The following CLPX variants were observed in gnomAD, a reference collection of about 807,000 sequenced individuals.
CLPX encodes the protein ATP-dependent clpX-like chaperone, mitochondrial.
Under a neutral mutation model 76.4 loss-of-function variants are expected in CLPX, and 34 were observed. The ratio of observed to expected loss-of-function variants is 0.45; its 90% CI spans 0.34 to 0.59. CLPX has a LOEUF of 0.59. Ranked by LOEUF, CLPX falls within the 20% of genes least tolerant of loss-of-function variation. The pLI, the probability that CLPX is intolerant of heterozygous loss-of-function variation, is 0.01. For synonymous variants in CLPX, 248 were observed against 270.9 expected, an observed-to-expected ratio of 0.92 and a Z score of 0.83; for missense variants, 613 against 757.0, an observed-to-expected ratio of 0.81 and a Z score of 2.23.
intron 6 of CLPX, among the ~76,000 whole-genome samples, chr15:65,160,623 T>TCTCTCTCACACACACACA (rs1219208926): frequency 2.7e-4 from 27 of 100,970 alleles, no homozygotes; most frequent in Admixed American, 8.4e-4. Context: ...TCTCTCTCTC[T>TCTCTCTCACACACACACA]CACACACACA....
chr15:65,163,068 G>C (rs1343896223), intron 5 of CLPX, among the ~76,000 whole-genome samples: 1 of 152,132 alleles, frequency 6.6e-6, no homozygotes, highest in East Asian at 1.9e-4. Flanking sequence ...AGGCGCAAGA[G>C]TTCACGCCTA....
intron 3 of CLPX, among the ~76,000 whole-genome samples, chr15:65,172,982 C>A (rs925366528): frequency 6.6e-6 from 1 of 152,096 alleles, no homozygotes; most frequent in Non-Finnish European, 1.5e-5. Context: ...GCCACTGCAT[C>A]GTAGCCTGGG....
Position 65,152,516 on chromosome 15 carries a change from T to A in CLPX, c.1725A>T (p.Pro575=). The change falls in exon 13 of 14, where the codon CCA becomes CCT. Residue 575 remains proline (P), a synonymous_variant. Coordinates refer to ENST00000300107, the MANE Select transcript of CLPX (RefSeq NM_006660.5). ...RSIMEKLLLE[P]MFEVPNSDIV... is the part of the protein sequence containing the mutation. ...TATCAGAATTAGGGACTTCAAACATTGGTTCTAGTAACAGCTTTTCCTAAA... is the reference window on the plus strand; with the variant it reads ...TATCAGAATTAGGGACTTCAAACATAGGTTCTAGTAACAGCTTTTCCTAAA... The A allele has an allele frequency of 6.5e-7, 1 of 1,533,476 alleles. No homozygotes were observed. Among genetic ancestry groups the A allele is most frequent in the Non-Finnish European group, 8.8e-7 (1 of 1,140,104 alleles). 95.0% of individuals were successfully genotyped at this position (1,533,476 alleles called of 1,614,324 possible).
chr15:65,154,966 T>C lies in CLPX; in HGVS notation c.1427A>G (p.Asp476Gly). The change falls in exon 11 of 14, where the codon GAT becomes GGT. Residue 476 changes from aspartate (D) to glycine (G), a missense_variant. Physicochemically the swap from Asp to Gly is moderately conservative, Grantham distance 94 (BLOSUM62 -1). Coordinates refer to ENST00000300107, the MANE Select transcript of CLPX (RefSeq NM_006660.5). ...GGCTTCCACATGACGCAATAACCGA[T>C]CTTTTTCTTCAATGTCTTGGTGAGT... ...SNTHQDIEEKDRLLRHVEARD... is the reference protein window; with the variant it reads ...SNTHQDIEEKGRLLRHVEARD... The C allele has an allele frequency of 6.2e-7, 1 of 1,614,114 alleles. No homozygotes were observed. The highest frequency in any genetic ancestry group is 8.5e-7 in the Non-Finnish European group (1 of 1,180,020).
At chr15:65,183,559 GGAAA>G (rs1365468540) in intron 1 of CLPX, among the ~76,000 whole-genome samples, 1 of 149,138 alleles carries the variant, frequency 6.7e-6, no homozygotes, top group African/African-American at 2.5e-5. Context: ...CAGGAAGGAA[GGAAA>G]GGAAGGAAGG....
chr15:65,169,732 A>G (rs1404370133), intron 3 of CLPX, among the ~76,000 whole-genome samples: 1 of 151,948 alleles, frequency 6.6e-6, no homozygotes, highest in Non-Finnish European at 1.5e-5. Flanking sequence ...ACATGGTTAT[A>G]GGATGTAGAT....
intron 4 of CLPX, 127 bp downstream of exon 4, chr15:65,166,504 G>A (rs2087914808): frequency 1.0e-6 from 1 of 983,454 alleles, no homozygotes; most frequent in South Asian, 1.5e-5. Flanking sequence ...GCCACATATG[G>A]TCCATATTAT....
chr15:65,161,041 G>A (rs1330036635), intron 6 of CLPX, among the ~76,000 whole-genome samples: 1 of 152,180 alleles, frequency 6.6e-6, no homozygotes, highest in Non-Finnish European at 1.5e-5. Context: ...AATAGTTTCT[G>A]TCTCATGGGT....
At chr15:65,166,841 T>C in intron 3 of CLPX, 56 bp from the exon 4 acceptor site, 1 of 1,544,654 alleles carries the variant, frequency 6.5e-7, no homozygotes. Flanking sequence ...CCAATAGTGT[T>C]TAACCTTAAA....
intron 12 of CLPX, among the ~76,000 whole-genome samples, chr15:65,153,037 C>T (rs781017980): frequency 3.9e-5 from 6 of 151,978 alleles, no homozygotes; most frequent in Non-Finnish European, 8.8e-5. Context: ...GTGTGAGTTA[C>T]CAGGCCCGAT....
chr15:65,178,875 C>A, intron 3 of CLPX, 59 bp downstream of exon 3: 1 of 931,536 alleles, frequency 1.1e-6, no homozygotes, highest in Admixed American at 2.2e-5. Context: ...TATTTTTATA[C>A]ACTTAGTAAT....
rs36113271 is a variant in CLPX at position 65,149,860 on chromosome 15, T to TA, written c.*962dup. ...GGGACAGCGTGAGACTCCGCTCAAT[T>TA]AAAAAAAAAAAAAAAAAAAAGATGG... On this transcript the variant is annotated 3_prime_UTR_variant, in exon 14 of 14. Coordinates refer to ENST00000300107, the MANE Select transcript of CLPX (RefSeq NM_006660.5). 0.71 allele frequency: 84,070 copies of TA among 118,684 alleles called. 30,704 individuals are homozygous for TA. The highest frequency in any genetic ancestry group is 0.96 in the East Asian group (3,996 of 4,148). The allele number at this position is 118,684 out of a possible 1,614,324, so 7.4% of individuals were successfully genotyped here. A position where few individuals can be genotyped will look rare whatever the true frequency, so the allele number is the denominator to read the frequency against.
chr15:65,154,404 A>G (rs1051813062), intron 11 of CLPX, among the ~76,000 whole-genome samples: 2 of 152,238 alleles, frequency 1.3e-5, no homozygotes, highest in African/African-American at 2.4e-5. Flanking sequence ...ACAGAGAAGT[A>G]TATGTGGGAT....
intron 3 of CLPX, among the ~76,000 whole-genome samples, chr15:65,171,383 G>T (rs1482710220): frequency 6.6e-6 from 1 of 151,644 alleles, no homozygotes. Flanking sequence ...GAAAGCAGAG[G>T]TTGTAGTGAG....
chr15:65,152,476 C>T lies in CLPX; in HGVS notation c.1765G>A (p.Val589Ile), dbSNP rs2087734313. The T allele has an allele frequency of 1.3e-6, 2 of 1,562,652 alleles. No individual in the cohort carries two copies. The highest frequency in any genetic ancestry group is 8.7e-7 in the Non-Finnish European group (1 of 1,155,518). The change falls in exon 13 of 14, where the codon GTT becomes ATT. Residue 589 changes from valine (V) to isoleucine (I), a missense_variant. By Grantham distance (29) the Val-to-Ile change is conservative. Around this residue, in one of 2 missense-constraint regions of CLPX, gnomAD observed 450 missense variants for 638.6 expected, o/e 0.70. Coordinates refer to ENST00000300107, the MANE Select transcript of CLPX (RefSeq NM_006660.5). Reference protein sequence around the residue: ...VPNSDIVCVEVDKEVVEGKKE... With the variant: ...VPNSDIVCVEIDKEVVEGKKE... ...TTTCCTTCTACTACTTCTTTGTCAACCTCCACACATACGATATCAGAATTA... is the reference window on the plus strand; with the variant it reads ...TTTCCTTCTACTACTTCTTTGTCAATCTCCACACATACGATATCAGAATTA...
In CLPX at chr15:65,169,021, C is replaced by T. The variant is rs111259155; in HGVS notation, c.359-2236G>A. On this transcript the variant is annotated intron_variant, in intron 3 of 13. Coordinates refer to ENST00000300107, the MANE Select transcript of CLPX (RefSeq NM_006660.5). The stretch of plus-strand genomic sequence containing the variant: ...TACAGGCACACGCCACCACGCCTGC[C>T]TACTTTTTTTTTTTTTTTTTGAGAT... Among the ~76,000 whole-genome samples, 103 of 150,246 alleles carry T rather than the reference C, an allele frequency of 6.9e-4. 2 individuals are homozygous for T. Among genetic ancestry groups the T allele is most frequent in the African/African-American group, 2.3e-3 (96 of 40,940 alleles).
At chr15:65,170,332 T>C (rs1239642729) in intron 3 of CLPX, among the ~76,000 whole-genome samples, 1 of 151,666 alleles carries the variant, frequency 6.6e-6, no homozygotes, top group African/African-American at 2.4e-5. Context: ...AAAAAAAAAA[T>C]TCATGGAATT....
At chr15:65,155,884 A>G (rs981123662) in intron 9 of CLPX, 28 bp from the exon 10 acceptor site, 4 of 1,557,478 alleles carry the variant, frequency 2.6e-6, no homozygotes, top group Non-Finnish European at 3.5e-6. Flanking sequence ...GATTTATAGC[A>G]TCACCATATA....
chr15:65,168,299 GT>G (rs2087946261), intron 3 of CLPX, among the ~76,000 whole-genome samples: 2 of 136,378 alleles, frequency 1.5e-5, no homozygotes, highest in African/African-American at 2.7e-5. Context: ...CAGGAGAATG[GT>G]ATGAACCCGG....
Sources: allele counts gnomAD v4.1 joint callset (sites outside exome capture counted in the v4.1 genomes callset), GRCh38; gene constraint gnomAD v4.1.1; regional missense constraint gnomAD v4.1.1; transcripts MANE v1.5; gene names NCBI Gene and HGNC (gene_info 2026-07-23, HGNC 2026-07-21).